Variants in NSD3 observed in about 807,000 individuals in gnomAD.
NSD3 encodes the protein nuclear receptor binding SET domain protein 3, also known as histone-lysine N-methyltransferase NSD3.
Under a neutral mutation model 160.8 loss-of-function variants are expected in NSD3, and 24 were observed. The ratio of observed to expected loss-of-function variants is 0.15; its 90% CI spans 0.11 to 0.21. The LOEUF is 0.21. Among genes scored for constraint, NSD3 ranks in the 10% least tolerant of loss-of-function variants. NSD3 has a pLI of 1.00. For synonymous variants in NSD3, 520 were observed against 600.0 expected (o/e 0.87, Z 1.95); for missense variants, 1,157 against 1,735.9 (o/e 0.67, Z 5.93).
intron 1 of NSD3, chr8:38,363,902 T>G (rs1356374312): frequency 3.9e-5 from 6 of 152,182 alleles, no homozygotes; most frequent in Non-Finnish European, 5.9e-5. Context: ...GGAGCATCCC[T>G]ATAAACAGAA....
At chr8:38,344,169 A>G (rs1377002112) in intron 2 of NSD3, among the ~76,000 whole-genome samples, 3 of 152,248 alleles carry the variant, frequency 2.0e-5, no homozygotes, top group Admixed American at 2.0e-4. Flanking sequence ...TCCAAATAAC[A>G]GCCACTCTTC....
At chr8:38,327,604 A>G (rs1201332100) in intron 6 of NSD3, among the ~76,000 whole-genome samples, 1 of 152,210 alleles carries the variant, frequency 6.6e-6, no homozygotes, top group Non-Finnish European at 1.5e-5. Context: ...TGTCACTAAA[A>G]AATATACCTG....
intron 1 of NSD3, among the ~76,000 whole-genome samples, chr8:38,361,002 A>C (rs951525946): frequency 1.9e-4 from 29 of 152,224 alleles, no homozygotes; most frequent in Admixed American, 1.4e-3. Context: ...CATAAGAAGG[A>C]CCACTCTTTT....
chr8:38,326,982 A>G (rs573796126), intron 6 of NSD3, 126 bp from the exon 7 acceptor site: 35 of 1,025,616 alleles, frequency 3.4e-5, no homozygotes, highest in Admixed American at 6.0e-5. Context: ...TTTGATTGCA[A>G]TTAAGTTATC....
intron 1 of NSD3, among the ~76,000 whole-genome samples, chr8:38,370,596 G>A (rs2150394997): frequency 6.6e-6 from 1 of 152,158 alleles, no homozygotes; most frequent in South Asian, 2.1e-4. Flanking sequence ...CACACAAGCT[G>A]TTGTGTTCCT....
intron 1 of NSD3, among the ~76,000 whole-genome samples, chr8:38,369,679 C>T (rs547447877): frequency 6.6e-6 from 1 of 152,310 alleles, no homozygotes; most frequent in East Asian, 1.9e-4. Flanking sequence ...TTCATTTGCA[C>T]TTTTAGAGAT....
At chr8:38,291,072 A>G (rs1192371270) in intron 16 of NSD3, among the ~76,000 whole-genome samples, 5 of 152,192 alleles carry the variant, frequency 3.3e-5, no homozygotes, top group Non-Finnish European at 7.3e-5. Context: ...CTAGTAGTCA[A>G]TGGAATCATT....
At chr8:38,300,806 C>T (rs1384651444) in intron 14 of NSD3, among the ~76,000 whole-genome samples, 15 of 152,236 alleles carry the variant, frequency 9.9e-5, no homozygotes, top group Admixed American at 8.5e-4. Flanking sequence ...ATACAAATTA[C>T]GGCAGCAGTT....
chr8:38,332,077 C>A (rs1032645348), intron 4 of NSD3, among the ~76,000 whole-genome samples: 1 of 151,848 alleles, frequency 6.6e-6, no homozygotes, highest in South Asian at 2.1e-4. Context: ...CAGACATATG[C>A]CACATGCTCA....
intron 1 of NSD3, among the ~76,000 whole-genome samples, chr8:38,357,228 T>C (rs1290807885): frequency 6.6e-6 from 1 of 152,072 alleles, no homozygotes; most frequent in Non-Finnish European, 1.5e-5. Context: ...ATTTCTGTTT[T>C]CAGACACAGC....
intron 1 of NSD3, among the ~76,000 whole-genome samples, chr8:38,352,789 A>G (rs1489640110): frequency 6.6e-6 from 1 of 151,960 alleles, no homozygotes; most frequent in Non-Finnish European, 1.5e-5. Flanking sequence ...TATTTTTTAT[A>G]GAGATGGAGT....
intron 16 of NSD3, 138 bp downstream of exon 16, chr8:38,295,658 T>C: frequency 2.6e-6 from 2 of 783,454 alleles, no homozygotes; most frequent in Non-Finnish European, 3.9e-6. Flanking sequence ...CCTCAAAACA[T>C]GGTTCTTTTC....
intron 12 of NSD3, among the ~76,000 whole-genome samples, chr8:38,313,193 A>ATG (rs1809573915): frequency 6.6e-6 from 1 of 151,862 alleles, no homozygotes; most frequent in African/African-American, 2.4e-5. Flanking sequence ...GTTTATGTAC[A>ATG]TGTGTGTGTG....
In NSD3 at chr8:38,372,896, C is replaced by A. The variant is rs1253851578; in HGVS notation, c.-45+8903G>T. 2.1e-5 allele frequency among the ~76,000 whole-genome samples: 3 copies of A among 145,628 alleles called. No homozygotes were observed. The East Asian group carries it at 6.7e-4, about 32-fold the overall frequency. On this transcript the variant is annotated intron_variant, in intron 1 of 23. Transcript: ENST00000317025. Reference sequence around the variant, plus strand: ...CGAAACCCAGTCTCTACTAAAACTACAAAAATTAGCCGGGTGTGGTGATGG... The same window carrying A: ...CGAAACCCAGTCTCTACTAAAACTAAAAAAATTAGCCGGGTGTGGTGATGG...
chr8:38,279,899 G>A (rs755790569), intron 20 of NSD3: 5 of 489,196 alleles, frequency 1.0e-5, no homozygotes, highest in Non-Finnish European at 1.4e-5. Context: ...GGATTTAGTT[G>A]CTTTTTAAGT....
rs1286673802 is a variant in NSD3 at position 38,317,508 on chromosome 8, GAC to G, written c.1855+1385_1855+1386del. ...GAGTTTCTGAAAATGCTAGAAAAATGACAGACTGCCAAAGACAGCTGTCATGC... is the reference window on the plus strand; with the variant it reads ...GAGTTTCTGAAAATGCTAGAAAAATGAGACTGCCAAAGACAGCTGTCATGC... On this transcript the variant is annotated intron_variant, in intron 9 of 23. Transcript: ENST00000317025. The surrounding 1 kb of genome is among the most constrained non-coding windows in gnomAD (Gnocchi z 5.3). The G allele has an allele frequency of 9.5e-7, 1 of 1,057,460 alleles. No homozygotes were observed. The highest frequency in any genetic ancestry group is 1.1e-6 in the Non-Finnish European group (1 of 874,514). 65.5% of individuals were successfully genotyped at this position (1,057,460 alleles called of 1,614,324 possible). A position where few individuals can be genotyped will look rare whatever the true frequency, so the allele number is the denominator to read the frequency against.
At chr8:38,285,111 G>C (rs554649108) in intron 19 of NSD3, among the ~76,000 whole-genome samples, 3 of 151,372 alleles carry the variant, frequency 2.0e-5, no homozygotes, top group African/African-American at 7.2e-5. Flanking sequence ...GAGGCTGTCA[G>C]TCAATATTTA....
At chr8:38,356,547 T>C (rs996995381) in intron 1 of NSD3, among the ~76,000 whole-genome samples, 13 of 152,058 alleles carry the variant, frequency 8.5e-5, no homozygotes, top group Non-Finnish European at 1.8e-4. Context: ...TAAAACTCTT[T>C]CTCTAAAATA....
chr8:38,284,368 T>C (rs1254283908), intron 19 of NSD3, among the ~76,000 whole-genome samples: 2 of 152,338 alleles, frequency 1.3e-5, no homozygotes, highest in African/African-American at 4.8e-5. Context: ...CACATACTGT[T>C]ACTATACTTA....
Sources: gnomAD v4.1 joint callset for allele counts (sites outside exome capture counted in the v4.1 genomes callset) on GRCh38, gnomAD v4.1.1 for gene constraint, Gnocchi (gnomAD v3.1) non-coding constraint, MANE v1.5 for transcripts, NCBI Gene and HGNC (gene_info 2026-07-23, HGNC 2026-07-21) for gene names.